The following XPR1 variants were observed in gnomAD, a reference collection of about 807,000 sequenced individuals.
XPR1 encodes xenotropic and polytropic retrovirus receptor 1.
In XPR1, 28 loss-of-function variants were observed where a neutral mutation model predicts 87.5. The observed-to-expected ratio is 0.32, with a 90% CI of 0.24 to 0.44. XPR1 has a LOEUF of 0.44. XPR1 is among the 20% of genes least tolerant of loss of function. The pLI is 1.00. For missense variants in XPR1, 559 were observed against 862.3 expected, an observed-to-expected ratio of 0.65 and a Z score of 4.41; for synonymous variants, 300 against 306.1, an observed-to-expected ratio of 0.98 and a Z score of 0.21.
At position 180,866,216 on chromosome 1, in the gene XPR1, A is replaced by G. The variant is rs577028163; in HGVS notation, c.1668+2342A>G. Among the ~76,000 whole-genome samples the G allele has an allele frequency of 4.2e-3, 592 of 140,376 alleles. 4 individuals carry two copies. Among genetic ancestry groups the G allele is most frequent in the African/African-American group, 0.019 (568 of 30,468 alleles). 92.1% of individuals were successfully genotyped at this position (140,376 alleles called of 152,430 possible). Reference sequence around the variant, plus strand: ...GATGGAGCAAGACCCTGTCTTAAAAAAAAAAACAAAAACAAAAAACTAAAA... The same window carrying G: ...GATGGAGCAAGACCCTGTCTTAAAAGAAAAAACAAAAACAAAAAACTAAAA... On this transcript the variant is annotated intron_variant, in intron 12 of 14. Transcript: ENST00000367590.
At chr1:180,664,440 G>T (rs1655891346) in intron 1 of XPR1, among the ~76,000 whole-genome samples, 1 of 152,166 alleles carries the variant, frequency 6.6e-6, no homozygotes, top group Non-Finnish European at 1.5e-5. Context: ...TTGTCTGAGA[G>T]CCAGGGCCTG....
chr1:180,638,350 A>G (rs1177632310), intron 1 of XPR1, among the ~76,000 whole-genome samples: 1 of 152,224 alleles, frequency 6.6e-6, no homozygotes, highest in Non-Finnish European at 1.5e-5. Flanking sequence ...ATTTGACATA[A>G]TAAAAGTTTG....
chr1:180,722,743 C>G (rs535052066), intron 2 of XPR1, among the ~76,000 whole-genome samples: 192 of 152,240 alleles, frequency 1.3e-3, no homozygotes, highest in African/African-American at 4.5e-3. Flanking sequence ...AGTTGTCTCT[C>G]TTGCTTTGCT....
At position 180,747,491 on chromosome 1, in the gene XPR1, T is replaced by C. The variant is rs1647303554; in HGVS notation, c.122-40262T>C. Among the ~76,000 whole-genome samples the C allele has an allele frequency of 2.6e-5, 4 of 152,362 alleles. No individual in the cohort carries two copies. The South Asian group carries it at 8.3e-4, about 32-fold the overall frequency. On this transcript the variant is annotated intron_variant, in intron 2 of 14. Coordinates refer to ENST00000367590, the MANE Select transcript of XPR1 (RefSeq NM_004736.4). Reference sequence around the variant, plus strand: ...TTGCCTTGTTAGATTTTTAGTGATCTTAAGTACAGAAATTATCCGTTATTT... The same window carrying C: ...TTGCCTTGTTAGATTTTTAGTGATCCTAAGTACAGAAATTATCCGTTATTT...
In XPR1 at chr1:180,817,625, C is replaced by T. The variant is rs545671992; in HGVS notation, c.763+6137C>T. On this transcript the variant is annotated intron_variant, in intron 7 of 14. Coordinates refer to ENST00000367590, the MANE Select transcript of XPR1 (RefSeq NM_004736.4). ...GCCTAGGAGCAATAGGCTCACATAA[C>T]TGTAAGTAATGAGAATAACAAACTG... Among the ~76,000 whole-genome samples the T allele has an allele frequency of 2.6e-5, 4 of 152,274 alleles. 1 individual carries two copies. The East Asian group carries it at 7.7e-4, about 29-fold the overall frequency.
intron 3 of XPR1, among the ~76,000 whole-genome samples, chr1:180,800,690 G>T (rs6425653): frequency 0.043 from 6,550 of 152,228 alleles, 506 homozygotes; most frequent in African/African-American, 0.15. Context: ...AGCCAATGAC[G>T]AGTAATCTTT....
chr1:180,789,495 T>G (rs1649299547), intron 3 of XPR1, among the ~76,000 whole-genome samples: 1 of 152,196 alleles, frequency 6.6e-6, no homozygotes. Context: ...TGTTTTTCCA[T>G]CTCACAGAGC....
intron 3 of XPR1, among the ~76,000 whole-genome samples, chr1:180,791,911 G>T (rs926088434): frequency 6.6e-6 from 1 of 152,112 alleles, no homozygotes; most frequent in Non-Finnish European, 1.5e-5. Flanking sequence ...AAAAATTTTG[G>T]TGCTGTAATT....
chr1:180,722,127 G>A (rs1015303539), intron 2 of XPR1, among the ~76,000 whole-genome samples: 1 of 152,030 alleles, frequency 6.6e-6, no homozygotes, highest in Non-Finnish European at 1.5e-5. Flanking sequence ...AATTAGTCAT[G>A]TGTGGTGGTG....
intron 2 of XPR1, among the ~76,000 whole-genome samples, chr1:180,740,920 T>C (rs1304245779): frequency 6.6e-6 from 1 of 152,218 alleles, no homozygotes; most frequent in Non-Finnish European, 1.5e-5. Context: ...GCATGGAAGC[T>C]TCCTGTCTCT....
In XPR1 at chr1:180,662,206, C is replaced by CT. The variant is rs200414853; in HGVS notation, c.70-20145dup. On this transcript the variant is annotated intron_variant, in intron 1 of 14. Coordinates refer to ENST00000367590, the MANE Select transcript of XPR1 (RefSeq NM_004736.4). ...TGATTTCTTACTGCTCATTCTTGTC[C>CT]TTTTTTTTTCTGGTTGAAGAACTTC... Among the ~76,000 whole-genome samples, 26 of 151,134 alleles carry CT rather than the reference C, an allele frequency of 1.7e-4. No homozygotes were observed. In the East Asian group the frequency reaches 4.3e-3, roughly 25 times the overall value.
chr1:180,842,838 T>A (rs1651562145), intron 11 of XPR1, among the ~76,000 whole-genome samples: 1 of 152,260 alleles, frequency 6.6e-6, no homozygotes, highest in Non-Finnish European at 1.5e-5. Flanking sequence ...GTGATTTAGT[T>A]AGCTCTTTGT....
chr1:180,797,798 A>G (rs1012419640), intron 3 of XPR1, among the ~76,000 whole-genome samples: 1 of 152,156 alleles, frequency 6.6e-6, no homozygotes, highest in Non-Finnish European at 1.5e-5. Context: ...TAGGACATAA[A>G]TACTTAAGTT....
intron 4 of XPR1, among the ~76,000 whole-genome samples, chr1:180,805,333 T>C (rs1164287811): frequency 1.3e-5 from 2 of 152,206 alleles, no homozygotes; most frequent in African/African-American, 2.4e-5. Context: ...ACCTTGCAAA[T>C]TGAGTTTTTA....
intron 11 of XPR1, among the ~76,000 whole-genome samples, chr1:180,842,176 A>G (rs546385146): frequency 1.3e-5 from 2 of 152,296 alleles, no homozygotes; most frequent in Admixed American, 1.3e-4. Flanking sequence ...GCAAGGAGTA[A>G]AAGACAGTGA....
At chr1:180,714,076 G>A (rs964925189) in intron 2 of XPR1, among the ~76,000 whole-genome samples, 1 of 151,944 alleles carries the variant, frequency 6.6e-6, no homozygotes, top group African/African-American at 2.4e-5. Context: ...CTTGATAGTT[G>A]GTATCTTTCA....
intron 2 of XPR1, among the ~76,000 whole-genome samples, chr1:180,687,817 C>T (rs1656837570): frequency 6.6e-6 from 1 of 151,598 alleles, no homozygotes; most frequent in Non-Finnish European, 1.5e-5. Flanking sequence ...GATTTACTCT[C>T]AGGTATTCCT....
intron 11 of XPR1, among the ~76,000 whole-genome samples, chr1:180,862,019 A>AC (rs1491152386): frequency 6.6e-6 from 1 of 152,142 alleles, no homozygotes; most frequent in African/African-American, 2.4e-5. Context: ...AGTATGTGTT[A>AC]CCTTTGTTTT....
intron 2 of XPR1, among the ~76,000 whole-genome samples, chr1:180,754,487 G>A (rs1376521288): frequency 6.6e-6 from 1 of 151,788 alleles, no homozygotes; most frequent in East Asian, 1.9e-4. Context: ...TTGAGACAGG[G>A]TCTCCCTGTA....
Sources: gnomAD v4.1 joint callset for allele counts (sites outside exome capture counted in the v4.1 genomes callset) on GRCh38, gnomAD v4.1.1 for gene constraint, MANE v1.5 for transcripts, NCBI Gene and HGNC (gene_info 2026-07-23, HGNC 2026-07-21) for gene names.